Variants in EIF4E3 observed in about 807,000 individuals in gnomAD.
EIF4E3 encodes the protein eukaryotic translation initiation factor 4E family member 3, also known as eukaryotic translation initiation factor 4E type 3.
A neutral mutation model predicts 31.7 loss-of-function variants in EIF4E3; 26 were observed. The ratio of observed to expected loss-of-function variants is 0.82; its 90% CI spans 0.60 to 1.14. The LOEUF (loss-of-function observed/expected upper bound fraction) is 1.14. EIF4E3 is among the 50% of genes most tolerant of loss of function. The probability of loss-of-function intolerance (pLI) is 0.00; values close to 1 mark genes in which losing one functional copy is unlikely to be tolerated. For synonymous variants in EIF4E3, 128 were observed against 107.7 expected, an observed-to-expected ratio of 1.19 and a Z score of -1.17; for missense variants, 304 against 270.9, an observed-to-expected ratio of 1.12 and a Z score of -0.86.
At chr3:71,722,093 CG>C (rs68108146) in intron 1 of EIF4E3, among the ~76,000 whole-genome samples, 7 of 38,226 alleles carry the variant, frequency 1.8e-4, no homozygotes, top group Admixed American at 8.1e-4. Flanking sequence ...GGCTTTTCCT[CG>C]GGGGGGCGGG....
intron 5 of EIF4E3, 67 bp from the exon 6 acceptor site, chr3:71,690,232 A>T: frequency 6.8e-7 from 1 of 1,463,748 alleles, no homozygotes; most frequent in Non-Finnish European, 9.1e-7. Context: ...GTTTCTAAGA[A>T]CTTAGTCTTT....
In EIF4E3 at chr3:71,725,119, G is replaced by A. The variant is rs1230472715; in HGVS notation, c.176+73C>T. 43 of 987,348 alleles carry A rather than the reference G, an allele frequency of 4.4e-5. No homozygotes were observed. The highest frequency in any genetic ancestry group is 5.1e-5 in the Non-Finnish European group (42 of 825,722). The allele number at this position is 987,348 out of a possible 1,614,324, so 61.2% of individuals were successfully genotyped here. ...CGGAGCGGGGCCGGGGCGAGGGGCCGCGCCGAGACAAAGCGGCGGTGGCGG... is the reference window on the plus strand; with the variant it reads ...CGGAGCGGGGCCGGGGCGAGGGGCCACGCCGAGACAAAGCGGCGGTGGCGG... On this transcript the variant is annotated intron_variant, in intron 1 of 6. Coordinates refer to ENST00000425534, the MANE Select transcript of EIF4E3 (RefSeq NM_001134651.2). This position sits in a 1 kb window ranked among gnomAD's most constrained non-coding sequence, Gnocchi z 6.1.
upstream of EIF4E3, chr3:71,754,221 C>T (rs1393376680): frequency 1.4e-5 from 20 of 1,387,030 alleles, no homozygotes; most frequent in Non-Finnish European, 1.7e-5. This position sits in a 1 kb window ranked among gnomAD's most constrained non-coding sequence, Gnocchi z 5.8. Flanking sequence ...CTACCTGCTG[C>T]TCGACCTGTG....
At chr3:71,715,467 T>A (rs2049450951) in intron 1 of EIF4E3, among the ~76,000 whole-genome samples, 1 of 152,226 alleles carries the variant, frequency 6.6e-6, no homozygotes, top group Non-Finnish European at 1.5e-5. Context: ...AATGTTCATA[T>A]CATTTTTTAA....
rs11328541 is a variant in EIF4E3, at chr3:71,748,207, ATT to A, written c.-291+5254_-291+5255del. The stretch of plus-strand genomic sequence containing the variant: ...AACTGCATGGGTTGGTTTATATGTG[ATT>A]TTTTTTTTCAATCAAAACAAGATGG... On this transcript the variant is annotated intron_variant, in intron 1 of 7. Coordinates refer to the EIF4E3 transcript ENST00000295612. 3.8e-3 allele frequency among the ~76,000 whole-genome samples: 580 copies of A among 151,506 alleles called. 4 individuals are homozygous for A. The highest frequency in any genetic ancestry group is 0.01 in the Middle Eastern group (3 of 294).
chr3:71,752,625 G>A (rs2049942443), intron 1 of EIF4E3, among the ~76,000 whole-genome samples: 1 of 152,204 alleles, frequency 6.6e-6, no homozygotes, highest in Non-Finnish European at 1.5e-5. Flanking sequence ...AAGCACTGGG[G>A]ATGCAGTGGT....
the EIF4E3 span, among the ~76,000 whole-genome samples, chr3:71,667,262 A>G: frequency 2.0e-5 from 3 of 152,228 alleles, no homozygotes; most frequent in Non-Finnish European, 4.4e-5. Context: ...CAAAATAACA[A>G]GAGCTATTTA....
At position 71,725,337 on chromosome 3, in the gene EIF4E3, C is replaced by G. The variant is rs978725974; in HGVS notation, c.31G>C (p.Ala11Pro). 2.1e-5 allele frequency: 20 copies of G among 971,160 alleles called. No individual in the cohort carries two copies. The highest frequency in any genetic ancestry group is 2.4e-5 in the Non-Finnish European group (20 of 819,856). 60.2% of individuals were successfully genotyped at this position (971,160 alleles called of 1,614,324 possible). A position where few individuals can be genotyped will look rare whatever the true frequency, so the allele number is the denominator to read the frequency against. MALPPAAAPPAGAREPPGSRA... is the reference protein window; with the variant it reads MALPPAAAPPPGAREPPGSRA... Reference sequence around the variant, plus strand: ...GACCCCGGCGGCTCCCGGGCCCCGGCGGGGGGCGCGGCGGCCGGGGGCAGC... The same window carrying G: ...GACCCCGGCGGCTCCCGGGCCCCGGGGGGGGGCGCGGCGGCCGGGGGCAGC... Residue 11 changes from alanine (A) to proline (P), a missense_variant, in exon 1 of 7, where the codon GCC (alanine) becomes CCC (proline). Physicochemically the swap from Ala to Pro is conservative, Grantham distance 27. Coordinates refer to ENST00000425534, the MANE Select transcript of EIF4E3 (RefSeq NM_001134651.2). This position sits in a 1 kb window ranked among gnomAD's most constrained non-coding sequence, Gnocchi z 6.1.
the EIF4E3 span, among the ~76,000 whole-genome samples, chr3:71,668,778 C>A: frequency 6.6e-6 from 1 of 152,126 alleles, no homozygotes. Flanking sequence ...GAAATAGGAA[C>A]GCTTTTACAC....
At chr3:71,696,370 T>A in intron 4 of EIF4E3, 90 bp downstream of exon 4, 1 of 1,430,042 alleles carries the variant, frequency 7.0e-7, no homozygotes, top group Non-Finnish European at 9.8e-7. Flanking sequence ...GCCAGGTAAA[T>A]AGGCTATCTG....
rs554775362 is a variant in EIF4E3 at position 71,739,833 on chromosome 3, T to G, written c.-290-11210A>C. On this transcript the variant is annotated intron_variant, in intron 1 of 7. Transcript: ENST00000295612. ...GGTAAAATATAACATAATTTTGGTATTTTTAAAATCTCTTTAAAAAATAAT... is the reference window on the plus strand; with the variant it reads ...GGTAAAATATAACATAATTTTGGTAGTTTTAAAATCTCTTTAAAAAATAAT... Among the ~76,000 whole-genome samples the G allele has an allele frequency of 2.0e-5, 3 of 152,346 alleles. No individual in the cohort carries two copies. In the South Asian group the frequency reaches 6.2e-4, roughly 32 times the overall value.
intron 2 of EIF4E3, among the ~76,000 whole-genome samples, chr3:71,700,696 G>A (rs1200916950): frequency 2.6e-5 from 4 of 151,954 alleles, no homozygotes; most frequent in African/African-American, 9.7e-5. Context: ...GGGGTTGTGG[G>A]ATAAAGGAGA....
Position 71,723,985 on chromosome 3 carries a change from C to CA in EIF4E3, c.176+1206dup, listed in dbSNP as rs932525268. Among the ~76,000 whole-genome samples, 462 of 147,550 alleles carry CA rather than the reference C, an allele frequency of 3.1e-3. 1 individual carries two copies. The highest frequency in any genetic ancestry group is 4.4e-3 in the African/African-American group (179 of 40,232). On this transcript the variant is annotated intron_variant, in intron 1 of 6. Coordinates refer to ENST00000425534, the MANE Select transcript of EIF4E3 (RefSeq NM_001134651.2). ...AAAAAAGAAATGAGCTTGTCTTAACCAAAAAAAAAATGAATATCACTTTTT... is the reference window on the plus strand; with the variant it reads ...AAAAAAGAAATGAGCTTGTCTTAACCAAAAAAAAAAATGAATATCACTTTTT...
At chr3:71,725,482 AGCCGCCC>A (rs765946804), upstream of EIF4E3, 63,515 of 452,606 alleles carry the variant, frequency 0.14, 8,000 homozygotes, top group East Asian at 0.34. This position sits in a 1 kb window ranked among gnomAD's most constrained non-coding sequence, Gnocchi z 6.1. Flanking sequence ...GCCCCGGGCT[AGCCGCCC>A]GCCGCCCGCC....
chr3:71,700,552 T>C (rs1403607153), intron 2 of EIF4E3, among the ~76,000 whole-genome samples: 1 of 146,886 alleles, frequency 6.8e-6, no homozygotes, highest in African/African-American at 2.5e-5. Context: ...AGGCGGAGGT[T>C]GCAGTGAGCC....
intron 2 of EIF4E3, among the ~76,000 whole-genome samples, chr3:71,706,626 G>T (rs565809355): frequency 1.6e-4 from 24 of 152,202 alleles, no homozygotes; most frequent in African/African-American, 5.8e-4. Context: ...AGACTAGCCT[G>T]AGCAACATAG....
upstream of EIF4E3, among the ~76,000 whole-genome samples, chr3:71,730,140 G>A (rs2049689706): frequency 6.6e-6 from 1 of 152,210 alleles, no homozygotes; most frequent in Non-Finnish European, 1.5e-5. Context: ...CAGTCCTAGA[G>A]CAATGGCTTG....
chr3:71,666,184 CAGAT>C, the EIF4E3 span, among the ~76,000 whole-genome samples: 1 of 151,920 alleles, frequency 6.6e-6, no homozygotes, highest in Admixed American at 6.6e-5. Flanking sequence ...ATTAACAAAA[CAGAT>C]AGACCACTAG....
At chr3:71,671,946 T>G (rs2048849278), downstream of EIF4E3, among the ~76,000 whole-genome samples, 1 of 152,160 alleles carries the variant, frequency 6.6e-6, no homozygotes, top group Admixed American at 6.5e-5. Context: ...TGTCCTTGGA[T>G]GCTCCGCAGA....
Sources: gnomAD v4.1 joint callset for allele counts (sites outside exome capture counted in the v4.1 genomes callset) on GRCh38, gnomAD v4.1.1 for gene constraint, Gnocchi (gnomAD v3.1) non-coding constraint, MANE v1.5 for transcripts, NCBI Gene and HGNC (gene_info 2026-07-23, HGNC 2026-07-21) for gene names.